Variants in ZNF493 observed in about 807,000 individuals in gnomAD.
ZNF493 encodes zinc finger protein 493.
Under a neutral mutation model 12.2 loss-of-function variants are expected in ZNF493, and 11 were observed. The observed-to-expected ratio is 0.90, with a 90% confidence interval of 0.57 to 1.50. The LOEUF is 1.50. ZNF493 is among the 40% of genes most tolerant of loss of function. The pLI is 0.00. For synonymous variants in ZNF493, 286 were observed against 302.6 expected, an observed-to-expected ratio of 0.95 and a Z score of 0.57; for missense variants, 950 against 906.6, an observed-to-expected ratio of 1.05 and a Z score of -0.61.
rs1430701948 is a variant in ZNF493, at chr19:21,405,156, A to T, written c.58A>T (p.Ile20Leu). 2 of 1,613,890 alleles carry T rather than the reference A, an allele frequency of 1.2e-6. No individual in the cohort carries two copies. The highest frequency in any genetic ancestry group is 8.5e-7 in the Non-Finnish European group (1 of 1,179,994). Residue 20 changes from isoleucine to leucine, a missense_variant, in exon 2 of 4, where the codon ATA (isoleucine) becomes TTA (leucine). Transcript: ENST00000392288. The stretch of plus-strand genomic sequence containing the variant: ...GCCGTTGACATTTAGGGATGTGGCC[A>T]TAGAATTCTCTCTGGAGGAGTGGCA... ...MGPLTFRDVA[I>L]EFSLEEWQCL...
At position 21,422,977 on chromosome 19, in the gene ZNF493, A is replaced by C; in HGVS notation, c.318A>C (p.Lys106Asn). 2 of 1,601,418 alleles carry C rather than the reference A, an allele frequency of 1.2e-6. No homozygotes were observed. Among genetic ancestry groups the C allele is most frequent in the Non-Finnish European group, 1.7e-6 (2 of 1,175,276 alleles). ...PGPGIKDSFQ[K>N]VILREYVKCG... ...CAGGCATTAAAGATTCTTTTCAAAAAGTGATACTGAGAGAATATGTAAAAT... is the reference window on the plus strand; with the variant it reads ...CAGGCATTAAAGATTCTTTTCAAAACGTGATACTGAGAGAATATGTAAAAT... The change falls in exon 4 of 4, where the codon AAA becomes AAC. Residue 106 changes from lysine to asparagine, a missense_variant. Lys to Asn is a moderately conservative substitution (Grantham distance 94, BLOSUM62 0). Coordinates refer to ENST00000392288, the MANE Select transcript of ZNF493 (RefSeq NM_001076678.3).
chr19:21,405,369 G>T, intron 2 of ZNF493, 114 bp downstream of exon 2: 1 of 1,501,672 alleles, frequency 6.7e-7, no homozygotes, highest in South Asian at 1.4e-5. Flanking sequence ...TCTGGTGCCT[G>T]TTTTAAAGAA....
At chr19:21,408,887 T>TCTTTC (rs1568379109) in intron 3 of ZNF493, 1 of 886,990 alleles carries the variant, frequency 1.1e-6, no homozygotes, top group Admixed American at 6.3e-5. Flanking sequence ...CTTTCTTTTT[T>TCTTTC]TTTTTTTTTT....
chr19:21,424,994 C>G lies in ZNF493; in HGVS notation c.*10C>G. ...GACTGTACAAAAGTGAAGAATGTGGCAAAGGCCTTTACTGCTCCTATTCCC... is the reference window on the plus strand; with the variant it reads ...GACTGTACAAAAGTGAAGAATGTGGGAAAGGCCTTTACTGCTCCTATTCCC... On this transcript the variant is annotated 3_prime_UTR_variant, in exon 4 of 4. Transcript: ENST00000392288. 1.3e-6 allele frequency: 2 copies of G among 1,579,326 alleles called. No homozygotes were observed. Among genetic ancestry groups the G allele is most frequent in the Non-Finnish European group, 1.7e-6 (2 of 1,165,724 alleles).
At chr19:21,401,846 G>T (rs948226542) in intron 1 of ZNF493, among the ~76,000 whole-genome samples, 1 of 152,008 alleles carries the variant, frequency 6.6e-6, no homozygotes, top group Non-Finnish European at 1.5e-5. Context: ...GCTGTTCGCT[G>T]TTCTTGAACT....
intron 1 of ZNF493, among the ~76,000 whole-genome samples, chr19:21,399,801 A>G (rs1373481041): frequency 6.6e-6 from 1 of 152,190 alleles, no homozygotes; most frequent in African/African-American, 2.4e-5. Flanking sequence ...AAAAATCTCC[A>G]TTTCATTTTT....
At position 21,424,857 on chromosome 19, in the gene ZNF493, T is replaced by G; in HGVS notation, c.2198T>G (p.Leu733Arg). ...TCCTCAAACCTTATTAAACATAAGC[T>G]AATTCATACTGGAGACAAACCCTAC... ...NHSSNLIKHK[L>R]IHTGDKPYKC... is the part of the protein sequence containing the mutation. Residue 733 changes from leucine to arginine, a missense_variant, in exon 4 of 4, where the codon CTA (leucine) becomes CGA (arginine). Leu to Arg is a moderately radical substitution (Grantham distance 102). Transcript: ENST00000392288. 1 of 1,612,226 alleles carries G rather than the reference T, an allele frequency of 6.2e-7. No individual in the cohort carries two copies. Among genetic ancestry groups the G allele is most frequent in the South Asian group, 1.1e-5 (1 of 90,968 alleles).
chr19:21,404,923 G>A (rs922243773), intron 1 of ZNF493, among the ~76,000 whole-genome samples: 4 of 152,166 alleles, frequency 2.6e-5, no homozygotes, highest in African/African-American at 9.7e-5. Context: ...CAGTGGTGTT[G>A]TAGATCTTAT....
intron 3 of ZNF493, chr19:21,414,024 CAG>C (rs2030407778): frequency 6.6e-6 from 1 of 151,946 alleles, no homozygotes; most frequent in Non-Finnish European, 1.5e-5. Flanking sequence ...ATATTCCACA[CAG>C]AGAAAAATGT....
intron 3 of ZNF493, chr19:21,408,881 C>CTTTTTTTT (rs201812196): frequency 6.7e-6 from 4 of 595,388 alleles, no homozygotes; most frequent in Non-Finnish European, 8.3e-6. Context: ...TTCTTTCTTT[C>CTTTTTTTT]TTTTTTTTTT....
Position 21,423,333 on chromosome 19 carries a change from T to G in ZNF493, c.674T>G (p.Leu225Arg), listed in dbSNP as rs777685993. 8 of 1,613,010 alleles carry G rather than the reference T, an allele frequency of 5.0e-6. No homozygotes were observed. Among genetic ancestry groups the G allele is most frequent in the Middle Eastern group, 1.7e-4 (1 of 6,036 alleles). Residue 225 changes from leucine (L) to arginine (R), a missense_variant, in exon 4 of 4, where the codon CTT (leucine) becomes CGT (arginine). Transcript: ENST00000392288. ...CGKAFIWFST[L>R]TRHRRVHTGE... ...AAAGCCTTTATCTGGTTTTCAACCC[T>G]TACTAGACACAGGAGAGTTCATACT...
chr19:21,419,675 A>G (rs929314200), intron 3 of ZNF493, among the ~76,000 whole-genome samples: 5 of 152,080 alleles, frequency 3.3e-5, no homozygotes, highest in Non-Finnish European at 5.9e-5. Flanking sequence ...TCAAATGTTA[A>G]TCTCCCTTGG....
At chr19:21,417,129 G>A (rs1216712430) in intron 3 of ZNF493, among the ~76,000 whole-genome samples, 4 of 152,180 alleles carry the variant, frequency 2.6e-5, no homozygotes, top group African/African-American at 9.7e-5. Flanking sequence ...ATCAAACAGA[G>A]TGGCACTGAT....
Position 21,425,230 on chromosome 19 carries a change from T to G in ZNF493, c.*246T>G. 1.8e-6 allele frequency: 1 copy of G among 547,946 alleles called. No homozygotes were observed. The highest frequency in any genetic ancestry group is 3.4e-6 in the Non-Finnish European group (1 of 298,278). 33.9% of individuals were successfully genotyped at this position (547,946 alleles called of 1,614,324 possible). On this transcript the variant is annotated 3_prime_UTR_variant, in exon 4 of 4. Coordinates refer to ENST00000392288, the MANE Select transcript of ZNF493 (RefSeq NM_001076678.3). ...AAAGGCTTTAATTAGTTCTCATCCCTTACTAAACATAAGAGAATTCATACC... is the reference window on the plus strand; with the variant it reads ...AAAGGCTTTAATTAGTTCTCATCCCGTACTAAACATAAGAGAATTCATACC...
intron 3 of ZNF493, among the ~76,000 whole-genome samples, chr19:21,420,625 T>TATATA (rs1568382547): frequency 2.8e-4 from 5 of 18,006 alleles, no homozygotes; most frequent in Non-Finnish European, 5.4e-4. Flanking sequence ...ATATATATAT[T>TATATA]TTTTTTTTTT....
chr19:21,400,207 C>T, intron 1 of ZNF493, among the ~76,000 whole-genome samples: 3 of 152,118 alleles, frequency 2.0e-5, no homozygotes, highest in Admixed American at 1.3e-4. Context: ...GTCAAGAGAT[C>T]AAGACCATCC....
At chr19:21,398,542 A>G in intron 1 of ZNF493, 1 of 345,924 alleles carries the variant, frequency 2.9e-6, no homozygotes, top group Non-Finnish European at 5.6e-6. Context: ...ATAAACCAAG[A>G]TAACTGCCAT....
At chr19:21,412,818 T>C in intron 3 of ZNF493, 1 of 318,480 alleles carries the variant, frequency 3.1e-6, no homozygotes. Flanking sequence ...TTGTAGAGTG[T>C]CTTTCTAGAT....
At chr19:21,407,120 G>A (rs956187069) in intron 3 of ZNF493, among the ~76,000 whole-genome samples, 4 of 151,932 alleles carry the variant, frequency 2.6e-5, no homozygotes, top group Non-Finnish European at 4.4e-5. Context: ...GGCTGAGGCC[G>A]GTGGATCACT....
Sources: allele counts gnomAD v4.1 joint callset (sites outside exome capture counted in the v4.1 genomes callset), GRCh38; gene constraint gnomAD v4.1.1; transcripts MANE v1.5; gene names NCBI Gene and HGNC (gene_info 2026-07-23, HGNC 2026-07-21).